The following XPR1 variants were observed in gnomAD, a reference collection of about 807,000 sequenced individuals.
XPR1 encodes the protein xenotropic and polytropic retrovirus receptor 1.
In XPR1, 28 loss-of-function variants were observed where a neutral mutation model predicts 87.5. That is an observed-to-expected ratio of 0.32 (90% confidence interval 0.24 to 0.44). The LOEUF (loss-of-function observed/expected upper bound fraction) is 0.44. Among genes scored for constraint, XPR1 ranks in the 20% least tolerant of loss-of-function variants. The probability of loss-of-function intolerance (pLI) is 1.00; values close to 1 mark genes in which losing one functional copy is unlikely to be tolerated. For synonymous variants in XPR1, 300 were observed against 306.1 expected, an observed-to-expected ratio of 0.98 and a Z score of 0.21; for missense variants, 559 against 862.3, an observed-to-expected ratio of 0.65 and a Z score of 4.41.
At chr1:180,670,914 A>G (rs187336816) in intron 1 of XPR1, among the ~76,000 whole-genome samples, 64 of 152,302 alleles carry the variant, frequency 4.2e-4, no homozygotes, top group African/African-American at 1.4e-3. Context: ...TACTTTGACT[A>G]TGTTGGCAAT....
At chr1:180,767,321 A>G (rs1648325505) in intron 2 of XPR1, among the ~76,000 whole-genome samples, 3 of 152,360 alleles carry the variant, frequency 2.0e-5, no homozygotes, top group South Asian at 4.1e-4. Flanking sequence ...TATCATAGGC[A>G]TAACTGTTAG....
intron 2 of XPR1, among the ~76,000 whole-genome samples, chr1:180,713,524 A>G (rs749945563): frequency 9.9e-5 from 15 of 152,232 alleles, no homozygotes; most frequent in African/African-American, 1.7e-4. Context: ...CTCTAATGCA[A>G]TGTTGGGTAG....
intron 2 of XPR1, among the ~76,000 whole-genome samples, chr1:180,687,768 A>G (rs144958509): frequency 1.3e-5 from 2 of 152,154 alleles, no homozygotes; most frequent in African/African-American, 4.8e-5. Context: ...TTATGATTAT[A>G]ACTAGGAAGT....
intron 9 of XPR1, among the ~76,000 whole-genome samples, chr1:180,833,248 A>G (rs1002469062): frequency 3.9e-5 from 6 of 152,224 alleles, no homozygotes; most frequent in Admixed American, 3.9e-4. Flanking sequence ...ACCATCGACA[A>G]TTATGAAGAA....
chr1:180,786,582 C>G (rs746820758), intron 2 of XPR1, among the ~76,000 whole-genome samples: 1 of 152,154 alleles, frequency 6.6e-6, no homozygotes, highest in Non-Finnish European at 1.5e-5. Flanking sequence ...TTACATATAT[C>G]TCTACATATG....
chr1:180,819,806 T>C lies in XPR1; in HGVS notation c.764-4947T>C, dbSNP rs183118212. ...GCCAAGGCGGGTGGATTGCCTGAGC[T>C]CAGGAGTTCGAGACCAGCCTAGGCA... On this transcript the variant is annotated intron_variant, in intron 7 of 14. Coordinates refer to ENST00000367590, the MANE Select transcript of XPR1 (RefSeq NM_004736.4). Among the ~76,000 whole-genome samples the C allele has an allele frequency of 6.3e-3, 966 of 152,152 alleles. 7 individuals are homozygous for C. The highest frequency in any genetic ancestry group is 9.9e-3 in the Non-Finnish European group (670 of 67,992).
chr1:180,845,845 T>C (rs1041515907), intron 11 of XPR1, among the ~76,000 whole-genome samples: 3 of 152,088 alleles, frequency 2.0e-5, no homozygotes, highest in Non-Finnish European at 2.9e-5. Flanking sequence ...TGCCAGAAAA[T>C]CGAAAGTCAT....
intron 2 of XPR1, among the ~76,000 whole-genome samples, chr1:180,715,526 G>A (rs1657959112): frequency 6.6e-6 from 1 of 152,138 alleles, no homozygotes; most frequent in African/African-American, 2.4e-5. Flanking sequence ...TCAGTTTCTG[G>A]AGGGCATTTC....
chr1:180,798,715 G>A (rs969804334), intron 3 of XPR1, among the ~76,000 whole-genome samples: 3 of 152,170 alleles, frequency 2.0e-5, no homozygotes, highest in East Asian at 3.8e-4. Context: ...CTGAGTTCAA[G>A]TGAATCTCAT....
intron 9 of XPR1, among the ~76,000 whole-genome samples, chr1:180,827,661 G>GT (rs2102156073): frequency 6.6e-6 from 1 of 152,086 alleles, no homozygotes; most frequent in Admixed American, 6.5e-5. Context: ...TGTTTTTGTA[G>GT]TAACTGTTAT....
chr1:180,777,703 A>T (rs914747248), intron 2 of XPR1, among the ~76,000 whole-genome samples: 3 of 152,212 alleles, frequency 2.0e-5, no homozygotes, highest in Non-Finnish European at 1.5e-5. Flanking sequence ...ATTTCAAGTT[A>T]GTTATTCTCA....
intron 9 of XPR1, among the ~76,000 whole-genome samples, chr1:180,829,522 C>T (rs538277685): frequency 7.2e-5 from 11 of 152,284 alleles, no homozygotes; most frequent in South Asian, 2.1e-4. Context: ...CCCTCTCACC[C>T]GGCCTCTGAC....
chr1:180,814,107 T>C (rs532432908), intron 7 of XPR1, among the ~76,000 whole-genome samples: 2 of 152,318 alleles, frequency 1.3e-5, no homozygotes, highest in African/African-American at 2.4e-5. Context: ...AACTAATTAT[T>C]CCTCATAAAC....
intron 6 of XPR1, among the ~76,000 whole-genome samples, chr1:180,810,580 GAAA>G (rs879324033): frequency 7.0e-6 from 1 of 142,130 alleles, no homozygotes. Context: ...CCATGTCTCA[GAAA>G]AAAAAAAAAT....
chr1:180,823,845 T>G (rs1183728171), intron 7 of XPR1, among the ~76,000 whole-genome samples: 1 of 152,326 alleles, frequency 6.6e-6, no homozygotes, highest in East Asian at 1.9e-4. Flanking sequence ...ATAATGGTTT[T>G]TAACTCAAAG....
At chr1:180,696,208 G>GTGTGTGTATATATATA (rs1241189679) in intron 2 of XPR1, among the ~76,000 whole-genome samples, 2 of 88,566 alleles carry the variant, frequency 2.3e-5, no homozygotes, top group African/African-American at 7.5e-5. Context: ...GTGTGTGTGT[G>GTGTGTGTATATATATA]TATATATATA....
intron 6 of XPR1, among the ~76,000 whole-genome samples, chr1:180,809,270 G>T (rs1650120576): frequency 6.6e-6 from 1 of 152,172 alleles, no homozygotes; most frequent in South Asian, 2.1e-4. Flanking sequence ...GGTAGGGTAG[G>T]CTGGGAGGAA....
intron 2 of XPR1, among the ~76,000 whole-genome samples, chr1:180,744,813 G>C (rs985109159): frequency 2.0e-5 from 3 of 151,756 alleles, no homozygotes; most frequent in Admixed American, 6.6e-5. Context: ...ACCACACCTG[G>C]CTAGTTTTTT....
At chr1:180,859,079 C>T (rs1276250228) in intron 11 of XPR1, among the ~76,000 whole-genome samples, 6 of 152,380 alleles carry the variant, frequency 3.9e-5, no homozygotes, top group East Asian at 1.9e-4. Flanking sequence ...TCTCTTTTCA[C>T]GTGGTGCCAC....
Sources: gnomAD v4.1 joint callset for allele counts (sites outside exome capture counted in the v4.1 genomes callset) on GRCh38, gnomAD v4.1.1 for gene constraint, MANE v1.5 for transcripts, NCBI Gene and HGNC (gene_info 2026-07-23, HGNC 2026-07-21) for gene names.